The following SVEP1 variants were observed in gnomAD, a reference collection of about 807,000 sequenced individuals.
SVEP1 encodes the protein sushi, von Willebrand factor type A, EGF and pentraxin domain-containing protein 1.
Under a neutral mutation model 367.3 loss-of-function variants are expected in SVEP1, and 164 were observed. The ratio of observed to expected loss-of-function variants is 0.45; its 90% CI spans 0.39 to 0.51. SVEP1 has a LOEUF of 0.51. SVEP1 is among the 20% of genes least tolerant of loss of function. The pLI is 0.00. For synonymous variants in SVEP1, 1,666 were observed against 1,611.6 expected (o/e 1.03, Z -0.81); for missense variants, 4,117 against 4,425.3 (o/e 0.93, Z 1.98).
chr9:110,575,149 A>G (rs890635269), intron 1 of SVEP1, among the ~76,000 whole-genome samples: 1 of 152,216 alleles, frequency 6.6e-6, no homozygotes, highest in Non-Finnish European at 1.5e-5. Flanking sequence ...AACTTTTGAG[A>G]AATCCCTGCT....
rs1178480448 is a variant in SVEP1, at chr9:110,570,829, C to T, written c.531+8184G>A. Among the ~76,000 whole-genome samples, 3 of 152,044 alleles carry T rather than the reference C, an allele frequency of 2.0e-5. No individual in the cohort carries two copies. In the East Asian group the frequency reaches 5.8e-4, roughly 29 times the overall value. On this transcript the variant is annotated intron_variant, in intron 1 of 47. Coordinates refer to ENST00000374469, the MANE Select transcript of SVEP1 (RefSeq NM_153366.4). ...TTTTTACTAAAAGAAGCATCATCTG[C>T]CCTAAGGACTAAGGTATTTTCAGTC...
intron 18 of SVEP1, among the ~76,000 whole-genome samples, chr9:110,465,335 G>A (rs1197040007): frequency 6.6e-6 from 1 of 151,506 alleles, no homozygotes; most frequent in Non-Finnish European, 1.5e-5. Context: ...CCTCTACTCA[G>A]ACAAGTTAAA....
At chr9:110,507,086 T>C (rs1588085180) in intron 5 of SVEP1, among the ~76,000 whole-genome samples, 1 of 152,016 alleles carries the variant, frequency 6.6e-6, no homozygotes, top group South Asian at 2.1e-4. Context: ...TGGGGACGTA[T>C]ATTCATCTTG....
chr9:110,400,051 G>A (rs1827832827), intron 40 of SVEP1, among the ~76,000 whole-genome samples: 1 of 152,186 alleles, frequency 6.6e-6, no homozygotes, highest in Non-Finnish European at 1.5e-5. Flanking sequence ...AGCAACAGCT[G>A]TCTCAGGAAT....
At chr9:110,508,831 T>A (rs953088864) in intron 5 of SVEP1, among the ~76,000 whole-genome samples, 1 of 150,168 alleles carries the variant, frequency 6.7e-6, no homozygotes, top group African/African-American at 2.5e-5. Context: ...TGAGTATAAG[T>A]GCTTTATGAA....
At chr9:110,568,733 C>A (rs1279381086) in intron 1 of SVEP1, among the ~76,000 whole-genome samples, 1 of 151,972 alleles carries the variant, frequency 6.6e-6, no homozygotes, top group Non-Finnish European at 1.5e-5. Flanking sequence ...GAGTTTATAT[C>A]GAATAAAATT....
chr9:110,521,989 T>A (rs143589615), intron 3 of SVEP1, among the ~76,000 whole-genome samples: 5 of 152,332 alleles, frequency 3.3e-5, no homozygotes, highest in Admixed American at 6.5e-5. Context: ...ATCCATTTTT[T>A]AAAAATTTTC....
chr9:110,498,376 C>CA (rs1167042180), intron 7 of SVEP1, among the ~76,000 whole-genome samples: 2 of 152,168 alleles, frequency 1.3e-5, no homozygotes, highest in African/African-American at 2.4e-5. Flanking sequence ...ATTAAATGGA[C>CA]ATTGGGGTTT....
chr9:110,573,626 C>T (rs1056794468), intron 1 of SVEP1, among the ~76,000 whole-genome samples: 3 of 151,648 alleles, frequency 2.0e-5, no homozygotes, highest in Non-Finnish European at 4.4e-5. Context: ...TTAGCAAAAG[C>T]GAAGTGGAAA....
intron 40 of SVEP1, among the ~76,000 whole-genome samples, chr9:110,396,369 A>T (rs971913413): frequency 9.2e-5 from 14 of 152,282 alleles, no homozygotes; most frequent in African/African-American, 3.4e-4. Flanking sequence ...GGAAATTTAT[A>T]GCACTAAATG....
chr9:110,455,530 T>A, intron 22 of SVEP1, 60 bp downstream of exon 22: 1 of 1,246,236 alleles, frequency 8.0e-7, no homozygotes, highest in East Asian at 2.4e-5. Flanking sequence ...TTTATCTCAG[T>A]GATGAAATGT....
intron 8 of SVEP1, among the ~76,000 whole-genome samples, chr9:110,490,453 T>A (rs1829351155): frequency 1.3e-5 from 2 of 152,158 alleles, no homozygotes; most frequent in South Asian, 4.1e-4. Context: ...CATGTATTCC[T>A]ACCCACTAAT....
At chr9:110,496,228 TA>T (rs561147810) in intron 8 of SVEP1, among the ~76,000 whole-genome samples, 91 of 152,306 alleles carry the variant, frequency 6.0e-4, no homozygotes, top group Non-Finnish European at 8.4e-4. Context: ...GGATACGAAG[TA>T]TTGTTCCTGG....
rs7030192 is a variant in SVEP1 at position 110,407,351 on chromosome 9, G to A, written c.8249C>T (p.Ala2750Val). 551,265 of 1,613,430 alleles carry A rather than the reference G, an allele frequency of 0.34. 96,839 individuals carry two copies. Among genetic ancestry groups the A allele is most frequent in the African/African-American group, 0.52 (39,282 of 74,864 alleles). The change falls in exon 38 of 48, where the codon GCA becomes GTA. Residue 2750 changes from alanine (A) to valine (V), a missense_variant. This residue lies in a region of SVEP1 where 1,765 missense variants were observed against 1,781.1 expected (regional missense o/e 0.99). Transcript: ENST00000374469. ...TAGACAAAGCCTTAAGTCAGAGCCT[G>A]CTAGAATGTGTCCAGGTTTACAGCT... Reference protein sequence around the residue: ...QYSCKPGHILAGSDLRLCLEN... With the variant: ...QYSCKPGHILVGSDLRLCLEN...
chr9:110,515,088 C>T (rs947515215), intron 3 of SVEP1, among the ~76,000 whole-genome samples: 1 of 152,170 alleles, frequency 6.6e-6, no homozygotes, highest in African/African-American at 2.4e-5. Flanking sequence ...TTCCTCTGCA[C>T]AGACAATGTA....
In SVEP1 at chr9:110,411,644, C is replaced by G; in HGVS notation, c.6067G>C (p.Glu2023Gln). The G allele has an allele frequency of 6.2e-7, 1 of 1,611,260 alleles. No individual in the cohort carries two copies. Among genetic ancestry groups the G allele is most frequent in the Non-Finnish European group, 8.5e-7 (1 of 1,178,720 alleles). The change falls in exon 37 of 48, where the codon GAG becomes CAG. Residue 2023 changes from glutamate (E) to glutamine (Q), a missense_variant. This residue lies in a region of SVEP1 where 2,174 missense variants were observed against 2,494.3 expected (regional missense o/e 0.87). Coordinates refer to ENST00000374469, the MANE Select transcript of SVEP1 (RefSeq NM_153366.4). ...GAGGCGTGGTCCACAATGGGTGGCT[C>G]ATCACAGGAGACAGCCAGGCACTGC... ...DQQCLAVSCD[E>Q]PPIVDHASPE...
At chr9:110,442,653 T>C (rs1240246944) in intron 27 of SVEP1, 1 of 151,882 alleles carries the variant, frequency 6.6e-6, no homozygotes, top group East Asian at 1.9e-4. Context: ...TTAGTAGAGA[T>C]AGGGCTTCAC....
At position 110,379,362 on chromosome 9, in the gene SVEP1, G is replaced by T. The variant is rs748401879; in HGVS notation, c.10393C>A (p.Pro3465Thr). The change falls in exon 44 of 48, where the codon CCT (proline) becomes ACT (threonine). Residue 3465 changes from proline to threonine, a missense_variant. Physicochemically the swap from Pro to Thr is conservative, Grantham distance 38. Coordinates refer to ENST00000374469, the MANE Select transcript of SVEP1 (RefSeq NM_153366.4). ...ATTTCCTTACCTCTGCAAATAGGAG[G>T]TGATGTCCATGTTCCATTTTCTAAA... ...VCLENGTWTS[P>T]PICRAVCRFP... The T allele has an allele frequency of 6.2e-7, 1 of 1,613,602 alleles. No individual in the cohort carries two copies. The highest frequency in any genetic ancestry group is 1.7e-5 in the Admixed American group (1 of 59,984).
At chr9:110,505,866 C>G (rs117943778) in intron 5 of SVEP1, among the ~76,000 whole-genome samples, 2,841 of 151,280 alleles carry the variant, frequency 0.019, 41 homozygotes, top group Admixed American at 0.025. Flanking sequence ...AGGTGCAGAA[C>G]ATGCAGGTGT....
Sources: gnomAD v4.1 joint callset for allele counts (sites outside exome capture counted in the v4.1 genomes callset) on GRCh38, gnomAD v4.1.1 for gene constraint, gnomAD v4.1.1 regional missense constraint, MANE v1.5 for transcripts, NCBI Gene and HGNC (gene_info 2026-07-23, HGNC 2026-07-21) for gene names.